CARHSP1: variants seen among roughly 807,000 people sequenced by gnomAD.
CARHSP1 encodes calcium regulated heat stable protein 1.
CARHSP1 carries 14 observed loss-of-function variants against 12.5 expected under a neutral mutation model. The ratio of observed to expected loss-of-function variants is 1.12; its 90% CI spans 0.74 to 1.75. The LOEUF is 1.75. Among genes scored for constraint, CARHSP1 ranks in the 40% most tolerant of loss-of-function variants. CARHSP1 has a pLI of 0.00. For missense variants in CARHSP1, 343 were observed against 201.6 expected (o/e 1.70, Z -4.25); for synonymous variants, 161 against 82.0 (o/e 1.96, Z -5.20).
rs577299365 is a variant in CARHSP1, at chr16:8,855,047, G to A, written c.*117C>T. ...CCCTTCCTCCAGGAGATACTTGAGAGGGACCATGCCCGGCTGAAGCCCCGT... is the reference window on the plus strand; with the variant it reads ...CCCTTCCTCCAGGAGATACTTGAGAAGGACCATGCCCGGCTGAAGCCCCGT... On this transcript the variant is annotated 3_prime_UTR_variant, in exon 4 of 4. Coordinates refer to ENST00000311052, the MANE Select transcript of CARHSP1 (RefSeq NM_014316.4). 1.2e-5 allele frequency: 10 copies of A among 821,792 alleles called. No individual in the cohort carries two copies. In the South Asian group the frequency reaches 1.9e-4, roughly 16 times the overall value. 50.9% of individuals were successfully genotyped at this position (821,792 alleles called of 1,614,324 possible). A position where few individuals can be genotyped will look rare whatever the true frequency, so the allele number is the denominator to read the frequency against.
intron 3 of CARHSP1, chr16:8,857,489 C>G (rs1213076648): frequency 1.3e-4 from 1 of 7,760 alleles, no homozygotes; most frequent in Non-Finnish European, 3.9e-4. Context: ...TTTGTGATGA[C>G]AGGATTTCAC....
intron 1 of CARHSP1, chr16:8,860,400 T>C (rs2061314601): frequency 2.0e-6 from 2 of 985,292 alleles, no homozygotes; most frequent in African/African-American, 1.7e-5. Flanking sequence ...TGCTGTGCTT[T>C]TGACAATTTT....
chr16:8,858,688 G>C (rs546523558), intron 2 of CARHSP1: 91 of 550,880 alleles, frequency 1.7e-4, no homozygotes, highest in African/African-American at 1.6e-3. Flanking sequence ...CAATTTTCTC[G>C]GGCCTGTTTT....
chr16:8,858,747 C>G (rs2061239859), intron 2 of CARHSP1: 2 of 480,644 alleles, frequency 4.2e-6, no homozygotes, highest in Non-Finnish European at 7.4e-6. Flanking sequence ...AACATCCCTC[C>G]AGAAACTAAT....
rs71155409 is a variant in CARHSP1 at position 8,857,759 on chromosome 16, ATT to A, written c.281+589_281+590del. 326 of 116,410 alleles carry A rather than the reference ATT, an allele frequency of 2.8e-3. 3 individuals carry two copies. The highest frequency in any genetic ancestry group is 7.0e-3 in the African/African-American group (195 of 27,814). The allele number at this position is 116,410 out of a possible 1,614,324, so 7.2% of individuals were successfully genotyped here. A position where few individuals can be genotyped will look rare whatever the true frequency, so the allele number is the denominator to read the frequency against. ...CACCTGTCACCACGCCCTGCTCATT[ATT>A]TTTTTTTTTTTTTTTTTGAGATGGA... is the stretch of plus-strand genomic sequence containing the variant. On this transcript the variant is annotated intron_variant, in intron 3 of 3. Transcript: ENST00000311052.
chr16:8,855,470 C>T lies in CARHSP1; in HGVS notation c.282-144G>A, dbSNP rs560181451. ...CGGGAACCTCTTTCCAAAGAACTGC[C>T]CCTCCACCAGAGGGAGCTGCCACAC... On this transcript the variant is annotated intron_variant, in intron 3 of 3. Transcript: ENST00000311052. The T allele has an allele frequency of 4.2e-5, 28 of 661,334 alleles. 1 individual carries two copies. Among genetic ancestry groups the T allele is most frequent in the African/African-American group, 3.0e-4 (16 of 53,760 alleles). 41.0% of individuals were successfully genotyped at this position (661,334 alleles called of 1,614,324 possible).
intron 3 of CARHSP1, among the ~76,000 whole-genome samples, chr16:8,855,576 G>A (rs2061074492): frequency 6.6e-6 from 1 of 152,216 alleles, no homozygotes; most frequent in Non-Finnish European, 1.5e-5. Flanking sequence ...GGAACTGAAA[G>A]AGTTCAGCCA....
intron 2 of CARHSP1, chr16:8,858,883 T>C: frequency 7.1e-6 from 3 of 420,962 alleles, no homozygotes; most frequent in Non-Finnish European, 1.3e-5. Context: ...ATTCACAGTC[T>C]CACAGGGAAC....
intron 1 of CARHSP1, chr16:8,860,067 G>C: frequency 2.3e-6 from 2 of 886,202 alleles, no homozygotes; most frequent in Non-Finnish European, 2.7e-6. Flanking sequence ...ACGCTGCTGG[G>C]AGCCAGACAC....
At chr16:8,856,001 G>GT (rs36118393) in intron 3 of CARHSP1, among the ~76,000 whole-genome samples, 38,365 of 151,994 alleles carry the variant, frequency 0.25, 5,028 homozygotes, top group African/African-American at 0.32. Flanking sequence ...CAAAGTCAGG[G>GT]TTTCACCATG....
chr16:8,860,394 G>C, intron 1 of CARHSP1: 2 of 985,442 alleles, frequency 2.0e-6, no homozygotes, highest in African/African-American at 1.7e-5. Flanking sequence ...AGCTGCTGCT[G>C]TGCTTTTGAC....
intron 1 of CARHSP1, among the ~76,000 whole-genome samples, chr16:8,861,989 CTT>C (rs537614451): frequency 2.0e-3 from 163 of 79,792 alleles, no homozygotes; most frequent in African/African-American, 3.8e-3. Flanking sequence ...GCATAGCTGA[CTT>C]TTTTTTTTTT....
At chr16:8,859,508 G>T (rs1169864767) in intron 1 of CARHSP1, among the ~76,000 whole-genome samples, 173 bp from the exon 2 acceptor site, 2 of 151,662 alleles carry the variant, frequency 1.3e-5, no homozygotes, top group African/African-American at 4.8e-5. Context: ...GCCTACTCTG[G>T]GCTCCTGAAG....
At chr16:8,865,037 T>C (rs895305730) in intron 1 of CARHSP1, among the ~76,000 whole-genome samples, 1 of 152,198 alleles carries the variant, frequency 6.6e-6, no homozygotes, top group African/African-American at 2.4e-5. Context: ...CTGTGCTTAC[T>C]GCAAGGAGGG....
intron 2 of CARHSP1, 98 bp from the exon 3 acceptor site, chr16:8,858,570 G>A (rs962580623): frequency 3.9e-5 from 57 of 1,456,768 alleles, no homozygotes; most frequent in Non-Finnish European, 5.0e-5. Flanking sequence ...ATCAAGCCCT[G>A]GCCAGGACCG....
At chr16:8,858,573 C>T in intron 2 of CARHSP1, 101 bp from the exon 3 acceptor site, 1 of 1,437,838 alleles carries the variant, frequency 7.0e-7, no homozygotes, top group Non-Finnish European at 9.4e-7. Context: ...AAGCCCTGGC[C>T]AGGACCGCCA....
intron 3 of CARHSP1, chr16:8,857,498 A>ACCGTGTTGG (rs1555455937): frequency 7.5e-6 from 1 of 134,140 alleles, no homozygotes; most frequent in South Asian, 2.4e-4. Context: ...ACAGGATTTC[A>ACCGTGTTGG]CCAGGCTGGT....
At position 8,855,000 on chromosome 16, in the gene CARHSP1, A is replaced by ACC; in HGVS notation, c.*162_*163dup. On this transcript the variant is annotated 3_prime_UTR_variant, in exon 4 of 4. Coordinates refer to ENST00000311052, the MANE Select transcript of CARHSP1 (RefSeq NM_014316.4). ...GTGCTGATGGCCGGGAACACCCCACACCCCACACCTGCCCCCCATACCCCT... is the reference window on the plus strand; with the variant it reads ...GTGCTGATGGCCGGGAACACCCCACACCCCCCACACCTGCCCCCCATACCCCT... The ACC allele has an allele frequency of 6.5e-6, 3 of 458,688 alleles. No homozygotes were observed. The highest frequency in any genetic ancestry group is 3.8e-6 in the Non-Finnish European group (1 of 265,548). The allele number at this position is 458,688 out of a possible 1,614,324, so 28.4% of individuals were successfully genotyped here.
chr16:8,856,406 A>G (rs1437124033), intron 3 of CARHSP1, among the ~76,000 whole-genome samples: 1 of 152,190 alleles, frequency 6.6e-6, no homozygotes, highest in Non-Finnish European at 1.5e-5. Flanking sequence ...TCAGAAATAA[A>G]TCTGCAGCCT....
Sources: gnomAD v4.1 joint callset for allele counts (sites outside exome capture counted in the v4.1 genomes callset) on GRCh38, gnomAD v4.1.1 for gene constraint, MANE v1.5 for transcripts, NCBI Gene and HGNC (gene_info 2026-07-23, HGNC 2026-07-21) for gene names.